TTC28: variants seen among roughly 807,000 people sequenced by gnomAD.
TTC28 encodes tetratricopeptide repeat domain 28, also known as tetratricopeptide repeat protein 28.
TTC28 carries 61 observed loss-of-function variants against 198.0 expected under a neutral mutation model. That is an observed-to-expected ratio of 0.31 (90% CI 0.25 to 0.38). The LOEUF (loss-of-function observed/expected upper bound fraction) is 0.38, where lower values mean the gene tolerates loss of function less well. Among genes scored for constraint, TTC28 ranks in the 10% least tolerant of loss-of-function variants. The pLI is 1.00. For synonymous variants in TTC28, 1,171 were observed against 1,297.8 expected, an observed-to-expected ratio of 0.90 and a Z score of 2.10; for missense variants, 2,678 against 3,164.0, an observed-to-expected ratio of 0.85 and a Z score of 3.69.
Position 28,009,669 on chromosome 22 carries a change from G to A in TTC28, c.4218+4579C>T, listed in dbSNP as rs147937635. 7.5e-4 allele frequency among the ~76,000 whole-genome samples: 114 copies of A among 152,330 alleles called. 1 individual carries two copies. Among genetic ancestry groups the A allele is most frequent in the African/African-American group, 2.3e-3 (94 of 41,584 alleles). On this transcript the variant is annotated intron_variant, in intron 14 of 22. Transcript: ENST00000397906. ...CTGCCACAATTCGGCATGGCCCACCGGCCTCGGGTGCTGGCCTCCATCACC... is the reference window on the plus strand; with the variant it reads ...CTGCCACAATTCGGCATGGCCCACCAGCCTCGGGTGCTGGCCTCCATCACC...
chr22:28,297,743 C>A lies in TTC28; in HGVS notation c.639G>T (p.Gly213=). Residue 213 remains glycine, a synonymous_variant, in exon 4 of 23, where the codon GGG becomes GGT. Coordinates refer to ENST00000397906, the MANE Select transcript of TTC28 (RefSeq NM_001145418.2). ...CGGCTTCTAAGACAACCACAGAGGC[C>A]CCATGATGGCCAGCTGTCAGGAGTT... The part of the protein sequence containing the change: ...GQELLTAGHH[G]ASVVVLEAAL... 1 of 1,551,664 alleles carries A rather than the reference C, an allele frequency of 6.4e-7. No homozygotes were observed. Among genetic ancestry groups the A allele is most frequent in the African/African-American group, 1.4e-5 (1 of 73,132 alleles).
At chr22:28,191,159 C>A (rs78312722) in intron 5 of TTC28, among the ~76,000 whole-genome samples, 2,368 of 152,154 alleles carry the variant, frequency 0.016, 81 homozygotes, top group African/African-American at 0.055. Flanking sequence ...TTAACATTTG[C>A]GTTAAAATTT....
At chr22:28,032,501 G>A (rs899187849) in intron 12 of TTC28, among the ~76,000 whole-genome samples, 1 of 151,658 alleles carries the variant, frequency 6.6e-6, no homozygotes, top group Non-Finnish European at 1.5e-5. Flanking sequence ...GGTATGCAAC[G>A]GGGAATTGCT....
At chr22:28,671,297 T>C (rs911516598) in intron 1 of TTC28, among the ~76,000 whole-genome samples, 7 of 152,112 alleles carry the variant, frequency 4.6e-5, no homozygotes, top group Admixed American at 6.6e-5. Flanking sequence ...AAGTTATTAA[T>C]ATATTCTGAA....
At chr22:28,629,415 A>C (rs954359455) in intron 2 of TTC28, 137 bp downstream of exon 2, 1 of 840,318 alleles carries the variant, frequency 1.2e-6, no homozygotes, top group African/African-American at 1.7e-5. Context: ...AGCTCAAGGA[A>C]GTCATTTTAT....
At chr22:28,224,799 C>T (rs1035222115) in intron 5 of TTC28, among the ~76,000 whole-genome samples, 1 of 152,126 alleles carries the variant, frequency 6.6e-6, no homozygotes, top group Admixed American at 6.5e-5. Context: ...TTAGAAACCT[C>T]TATATAGTGT....
intron 2 of TTC28, among the ~76,000 whole-genome samples, chr22:28,504,058 G>A (rs2048570909): frequency 6.6e-6 from 1 of 152,128 alleles, no homozygotes. Flanking sequence ...TACATTTACA[G>A]ACTTTGATCT....
chr22:28,325,781 T>G (rs148708410), intron 2 of TTC28, among the ~76,000 whole-genome samples: 49 of 152,154 alleles, frequency 3.2e-4, no homozygotes, highest in African/African-American at 1.1e-3. Flanking sequence ...CAAATTAAAC[T>G]ATAATAGAAT....
At chr22:28,535,979 G>T (rs987145532) in intron 2 of TTC28, among the ~76,000 whole-genome samples, 1 of 151,736 alleles carries the variant, frequency 6.6e-6, no homozygotes, top group African/African-American at 2.4e-5. Flanking sequence ...GGGAGGCCGA[G>T]GCGGGCAGAT....
At chr22:28,339,351 A>C (rs1406755278) in intron 2 of TTC28, among the ~76,000 whole-genome samples, 1 of 152,160 alleles carries the variant, frequency 6.6e-6, no homozygotes, top group Non-Finnish European at 1.5e-5. Context: ...GACCCACTTC[A>C]GGAGGCAGTC....
Position 28,165,359 on chromosome 22 carries a change from G to A in TTC28, c.934-1760C>T, listed in dbSNP as rs535002958. ...AAAGATACTCCTCGAGAAGAGCAAC[G>A]CCAAGACACATAATTGTCAGATTCA... On this transcript the variant is annotated intron_variant, in intron 5 of 22. Coordinates refer to ENST00000397906, the MANE Select transcript of TTC28 (RefSeq NM_001145418.2). Among the ~76,000 whole-genome samples the A allele has an allele frequency of 1.7e-3, 266 of 152,084 alleles. 1 individual carries two copies. Among genetic ancestry groups the A allele is most frequent in the African/African-American group, 5.8e-3 (241 of 41,474 alleles).
At chr22:28,591,758 A>T (rs2050439555) in intron 2 of TTC28, among the ~76,000 whole-genome samples, 1 of 152,134 alleles carries the variant, frequency 6.6e-6, no homozygotes, top group Non-Finnish European at 1.5e-5. Context: ...ATGGACTACA[A>T]ACAATATGAC....
At chr22:28,559,328 C>T (rs906336089) in intron 2 of TTC28, among the ~76,000 whole-genome samples, 1 of 152,166 alleles carries the variant, frequency 6.6e-6, no homozygotes, top group Non-Finnish European at 1.5e-5. Context: ...AAATCTCAGT[C>T]TCCAAAGAAT....
intron 9 of TTC28, 88 bp downstream of exon 9, chr22:28,101,083 T>C: frequency 3.1e-6 from 3 of 962,978 alleles, no homozygotes; most frequent in South Asian, 1.8e-5. Context: ...GTGCCTCTTG[T>C]AAATGCCATC....
chr22:28,377,851 G>C (rs1262576967), intron 2 of TTC28, among the ~76,000 whole-genome samples: 2 of 152,046 alleles, frequency 1.3e-5, no homozygotes, highest in Non-Finnish European at 2.9e-5. Context: ...CCATAAAGAG[G>C]AGAATAATAA....
intron 2 of TTC28, among the ~76,000 whole-genome samples, chr22:28,422,825 C>T (rs1848218003): frequency 6.6e-6 from 1 of 152,074 alleles, no homozygotes; most frequent in South Asian, 2.1e-4. Context: ...ATTTTGCATA[C>T]ACCAAAAGCC....
At chr22:28,636,644 A>G (rs929137066) in intron 1 of TTC28, among the ~76,000 whole-genome samples, 14 of 152,090 alleles carry the variant, frequency 9.2e-5, no homozygotes, top group African/African-American at 2.9e-4. Flanking sequence ...GCAGCTTTTC[A>G]CACCCCTCTT....
chr22:28,051,972 C>T (rs1940104268), intron 12 of TTC28, among the ~76,000 whole-genome samples: 1 of 152,070 alleles, frequency 6.6e-6, no homozygotes, highest in Non-Finnish European at 1.5e-5. Flanking sequence ...GCTTCCATGA[C>T]ATCCTGGATA....
At chr22:28,382,073 T>C (rs1268363480) in intron 2 of TTC28, among the ~76,000 whole-genome samples, 5 of 152,048 alleles carry the variant, frequency 3.3e-5, no homozygotes, top group South Asian at 2.1e-4. Context: ...CCAAACCCAA[T>C]AGTAGAACTT....
Sources: allele counts gnomAD v4.1 joint callset (sites outside exome capture counted in the v4.1 genomes callset), GRCh38; gene constraint gnomAD v4.1.1; transcripts MANE v1.5; gene names NCBI Gene and HGNC (gene_info 2026-07-23, HGNC 2026-07-21).